PDE1C: variants seen among roughly 807,000 people sequenced by gnomAD.
PDE1C encodes the protein phosphodiesterase 1C.
A neutral mutation model predicts 93.1 loss-of-function variants in PDE1C; 62 were observed. That is an observed-to-expected ratio of 0.67 (90% CI 0.54 to 0.82). The LOEUF (loss-of-function observed/expected upper bound fraction) is 0.82. Ranked by LOEUF, PDE1C falls within the 40% of genes least tolerant of loss-of-function variation. PDE1C has a pLI of 0.00. For synonymous variants in PDE1C, 325 were observed against 310.1 expected (o/e 1.05, Z -0.50); for missense variants, 742 against 884.6 (o/e 0.84, Z 2.04).
In PDE1C at chr7:31,753,558, C is replaced by T. The variant is rs544755049; in HGVS notation, c.1961-5G>A. 6.2e-5 allele frequency: 99 copies of T among 1,605,544 alleles called. No individual in the cohort carries two copies. The highest frequency in any genetic ancestry group is 1.8e-4 in the East Asian group (8 of 44,654). On this transcript the variant is annotated splice_polypyrimidine_tract_variant and splice_region_variant and intron_variant, in intron 17 of 17. Coordinates refer to ENST00000396191, the MANE Select transcript of PDE1C (RefSeq NM_001191057.4). ...GACGCAAAGGAGGCTTGATGACTGG[C>T]GGCCATGGAAAGGAAGACAGACAAC...
chr7:31,864,289 G>A (rs567918797), intron 7 of PDE1C, among the ~76,000 whole-genome samples: 303 of 152,258 alleles, frequency 2.0e-3, no homozygotes, highest in African/African-American at 6.7e-3. Flanking sequence ...CCAGGAGTTC[G>A]AGGCTGCAGT....
At chr7:32,208,711 T>C (rs1413537427) in intron 2 of PDE1C, among the ~76,000 whole-genome samples, 1 of 151,610 alleles carries the variant, frequency 6.6e-6, no homozygotes, top group Admixed American at 6.6e-5. Flanking sequence ...CTCTAGTATT[T>C]TCCCCCCCCT....
the PDE1C span, among the ~76,000 whole-genome samples, chr7:31,617,363 G>T: frequency 1.3e-5 from 2 of 152,068 alleles, no homozygotes; most frequent in African/African-American, 4.8e-5. Context: ...ATTGCCAAAG[G>T]TATCATACCT....
At chr7:31,832,479 C>T (rs190820629) in intron 11 of PDE1C, among the ~76,000 whole-genome samples, 26 of 152,210 alleles carry the variant, frequency 1.7e-4, no homozygotes, top group Admixed American at 5.2e-4. Flanking sequence ...TGAGACTATG[C>T]CCTTATTTTA....
At chr7:32,052,808 T>G (rs1030221900) in intron 1 of PDE1C, among the ~76,000 whole-genome samples, 4 of 152,170 alleles carry the variant, frequency 2.6e-5, no homozygotes, top group African/African-American at 9.7e-5. Flanking sequence ...TGACTAGATA[T>G]GTAGTGATAT....
chr7:32,350,101 CTTCCTTCTTCTTT>C (rs1230259598), intron 1 of PDE1C, among the ~76,000 whole-genome samples: 34 of 152,124 alleles, frequency 2.2e-4, no homozygotes, highest in African/African-American at 7.5e-4. Context: ...TGTTCTTCTT[CTTCCTTCTTCTTT>C]TTCTTCCTTC....
chr7:31,794,633 T>C (rs1379859656), intron 16 of PDE1C, among the ~76,000 whole-genome samples: 1 of 151,992 alleles, frequency 6.6e-6, no homozygotes, highest in Non-Finnish European at 1.5e-5. Context: ...ATGCCCCCAA[T>C]GCCTGGCCCA....
Position 31,916,047 on chromosome 7 carries a change from G to C in PDE1C, c.129-35187C>G, listed in dbSNP as rs958419028. 7.2e-5 allele frequency among the ~76,000 whole-genome samples: 11 copies of C among 152,100 alleles called. No individual in the cohort carries two copies. The South Asian group carries it at 8.3e-4, about 11-fold the overall frequency. On this transcript the variant is annotated intron_variant, in intron 2 of 17. Coordinates refer to ENST00000396191, the MANE Select transcript of PDE1C (RefSeq NM_001191057.4). Reference sequence around the variant, plus strand: ...GGAAGTTACTTTCTGCCAGGTATGGGGGGGGCACCTCTCAAATGAGGGTCT... The same window carrying C: ...GGAAGTTACTTTCTGCCAGGTATGGCGGGGGCACCTCTCAAATGAGGGTCT...
chr7:31,954,984 G>C (rs1260335795), intron 2 of PDE1C, among the ~76,000 whole-genome samples: 1 of 152,176 alleles, frequency 6.6e-6, no homozygotes, highest in African/African-American at 2.4e-5. Context: ...TTTTACCTCT[G>C]CTTTGATGTT....
rs1037867870 is a variant in PDE1C at position 32,077,992 on chromosome 7, C to T, written c.308+91793G>A. The T allele has an allele frequency of 5.4e-5, 53 of 985,392 alleles. No homozygotes were observed. The African/African-American group carries it at 7.3e-4, about 14-fold the overall frequency. 61.0% of individuals were successfully genotyped at this position (985,392 alleles called of 1,614,324 possible). A position where few individuals can be genotyped will look rare whatever the true frequency, so the allele number is the denominator to read the frequency against. ...GTGCAGGCCTCCTGACTTCTGGCTCCGTGGACATTCTGCCTCTCAGAATAC... is the reference window on the plus strand; with the variant it reads ...GTGCAGGCCTCCTGACTTCTGGCTCTGTGGACATTCTGCCTCTCAGAATAC... On this transcript the variant is annotated intron_variant, in intron 3 of 18. Coordinates refer to the PDE1C transcript ENST00000396193.
chr7:32,043,649 A>G (rs930891406), intron 2 of PDE1C, among the ~76,000 whole-genome samples: 5 of 152,212 alleles, frequency 3.3e-5, no homozygotes, highest in Admixed American at 6.5e-5. Context: ...TGGCTTGAGT[A>G]GAGGAAACAC....
chr7:31,803,266 T>C (rs1178972167), intron 16 of PDE1C, among the ~76,000 whole-genome samples: 7 of 151,796 alleles, frequency 4.6e-5, no homozygotes, highest in African/African-American at 1.7e-4. Context: ...TTTTAGTCTT[T>C]TAAAAAGATC....
the PDE1C span, among the ~76,000 whole-genome samples, chr7:31,683,049 A>T: frequency 6.6e-6 from 1 of 152,218 alleles, no homozygotes; most frequent in Non-Finnish European, 1.5e-5. Context: ...TGGTGTTGGA[A>T]ATGTTTAGTA....
At chr7:32,165,568 A>G (rs1361624140) in intron 3 of PDE1C, among the ~76,000 whole-genome samples, 1 of 152,190 alleles carries the variant, frequency 6.6e-6, no homozygotes, top group East Asian at 1.9e-4. Context: ...GAAAGAGAAG[A>G]GTAAGCAGGG....
At chr7:32,318,176 G>C (rs966122279) in intron 1 of PDE1C, among the ~76,000 whole-genome samples, 1 of 152,132 alleles carries the variant, frequency 6.6e-6, no homozygotes. Context: ...TAAACAAGGA[G>C]GGACATTCGG....
At chr7:31,793,494 C>T (rs1562805925) in intron 16 of PDE1C, among the ~76,000 whole-genome samples, 1 of 151,974 alleles carries the variant, frequency 6.6e-6, no homozygotes, top group Non-Finnish European at 1.5e-5. Flanking sequence ...CCTAGGAACT[C>T]TGTACCATAG....
chr7:32,417,833 A>G lies in PDE1C; in HGVS notation c.310+9989T>C, dbSNP rs575024181. ...ATTCTATTATTTTACTTGTATTTCA[A>G]CTTTAACCAAACAGAAATCATGTGA... On this transcript the variant is annotated intron_variant, in intron 1 of 1. Transcript: ENST00000672256. Among the ~76,000 whole-genome samples, 34 of 152,276 alleles carry G rather than the reference A, an allele frequency of 2.2e-4. No homozygotes were observed. The South Asian group carries it at 6.2e-3, about 28-fold the overall frequency.
At chr7:32,413,102 A>G (rs190131642) in intron 1 of PDE1C, among the ~76,000 whole-genome samples, 10 of 152,314 alleles carry the variant, frequency 6.6e-5, no homozygotes, top group Non-Finnish European at 1.3e-4. Context: ...ATTGTATATA[A>G]ATTGTACATC....
At chr7:32,166,214 G>A (rs1045594307) in intron 3 of PDE1C, among the ~76,000 whole-genome samples, 3 of 152,124 alleles carry the variant, frequency 2.0e-5, no homozygotes, top group Non-Finnish European at 2.9e-5. Flanking sequence ...TGGTGGGGGA[G>A]AGAAAAACAG....
Sources: gnomAD v4.1 joint callset for allele counts (sites outside exome capture counted in the v4.1 genomes callset) on GRCh38, gnomAD v4.1.1 for gene constraint, MANE v1.5 for transcripts, NCBI Gene and HGNC (gene_info 2026-07-23, HGNC 2026-07-21) for gene names.